Variants in MAP2K4 observed in about 807,000 individuals in gnomAD.
MAP2K4 encodes the protein mitogen-activated protein kinase kinase 4.
MAP2K4 carries 4 observed loss-of-function variants against 48.5 expected under a neutral mutation model. The observed-to-expected ratio is 0.08, with a 90% CI of 0.04 to 0.19. The LOEUF (loss-of-function observed/expected upper bound fraction) is 0.19, where lower values mean the gene tolerates loss of function less well. MAP2K4 is among the 10% of genes least tolerant of loss of function. The pLI, the probability that MAP2K4 is intolerant of heterozygous loss-of-function variation, is 1.00. For synonymous variants in MAP2K4, 166 were observed against 173.1 expected, an observed-to-expected ratio of 0.96 and a Z score of 0.32; for missense variants, 258 against 493.3, an observed-to-expected ratio of 0.52 and a Z score of 4.52.
At chr17:12,100,313 G>A (rs1377249540) in intron 4 of MAP2K4, among the ~76,000 whole-genome samples, 1 of 152,038 alleles carries the variant, frequency 6.6e-6, no homozygotes, top group Non-Finnish European at 1.5e-5. Context: ...TATGTAAACG[G>A]AATCTTACAG....
chr17:12,115,501 G>A, intron 7 of MAP2K4: 1 of 606,266 alleles, frequency 1.6e-6, no homozygotes, highest in Non-Finnish European at 3.1e-6. Flanking sequence ...AAAAGGTACG[G>A]TCAAAATATG....
chr17:12,080,782 G>T (rs1222435122), intron 2 of MAP2K4, among the ~76,000 whole-genome samples: 1 of 152,118 alleles, frequency 6.6e-6, no homozygotes, highest in Non-Finnish European at 1.5e-5. Flanking sequence ...TAAAAATACT[G>T]TTTTCTGACT....
At chr17:12,118,889 C>T (rs925546624) in intron 7 of MAP2K4, among the ~76,000 whole-genome samples, 1 of 152,108 alleles carries the variant, frequency 6.6e-6, no homozygotes. Context: ...TGATGATGAA[C>T]AAGGTAGTGA....
At chr17:12,121,437 G>T (rs934330784) in intron 7 of MAP2K4, among the ~76,000 whole-genome samples, 16 of 151,930 alleles carry the variant, frequency 1.1e-4, no homozygotes. Context: ...TGTCAATCCA[G>T]GGTCACATTA....
At chr17:12,107,382 C>CTTTTTTTTTTTTTTTTTTTTTTCTT (rs71367383) in intron 4 of MAP2K4, among the ~76,000 whole-genome samples, 1 of 106,408 alleles carries the variant, frequency 9.4e-6, no homozygotes, top group Non-Finnish European at 2.0e-5. Context: ...TGTCTTTTTC[C>CTTTTTTTTTTTTTTTTTTTTTTCTT]TTTTTTTTTT....
intron 4 of MAP2K4, among the ~76,000 whole-genome samples, chr17:12,107,052 A>G (rs1028787886): frequency 6.6e-6 from 1 of 152,140 alleles, no homozygotes; most frequent in Non-Finnish European, 1.5e-5. Context: ...ATTGCTTTCA[A>G]ATTGGTTTAA....
intron 10 of MAP2K4, 87 bp from the exon 11 acceptor site, chr17:12,141,060 G>T: frequency 2.6e-6 from 2 of 779,542 alleles, no homozygotes; most frequent in Non-Finnish European, 4.5e-6. Context: ...TGGGAGCCTG[G>T]AGTTCTATGT....
intron 7 of MAP2K4, among the ~76,000 whole-genome samples, chr17:12,118,018 C>T (rs1398516807): frequency 3.9e-5 from 6 of 152,118 alleles, no homozygotes; most frequent in Non-Finnish European, 1.5e-5. Flanking sequence ...AAATGAACAT[C>T]TATCATGAAG....
intron 7 of MAP2K4, among the ~76,000 whole-genome samples, chr17:12,120,735 G>T (rs1293761382): frequency 6.6e-6 from 1 of 152,122 alleles, no homozygotes; most frequent in South Asian, 2.1e-4. Context: ...CTAGCAGAAT[G>T]CCTCCTCATT....
At chr17:12,067,998 C>A (rs1409307646) in intron 2 of MAP2K4, among the ~76,000 whole-genome samples, 5 of 152,068 alleles carry the variant, frequency 3.3e-5, no homozygotes, top group Non-Finnish European at 7.3e-5. Flanking sequence ...TCAATGAAGG[C>A]TTCTAAACTT....
At chr17:12,134,691 A>G (rs1294478209) in intron 9 of MAP2K4, among the ~76,000 whole-genome samples, 2 of 152,220 alleles carry the variant, frequency 1.3e-5, no homozygotes, top group African/African-American at 4.8e-5. Flanking sequence ...GGGAAGCCAC[A>G]TCTAGATGTG....
At position 12,135,503 on chromosome 17, in the gene MAP2K4, A is replaced by G. The variant is rs899117154; in HGVS notation, c.1041-4336A>G. 4.6e-5 allele frequency among the ~76,000 whole-genome samples: 7 copies of G among 152,304 alleles called. No homozygotes were observed. The East Asian group carries it at 1.4e-3, about 30-fold the overall frequency. On this transcript the variant is annotated intron_variant, in intron 9 of 10. Coordinates refer to ENST00000353533, the MANE Select transcript of MAP2K4 (RefSeq NM_003010.4). The stretch of plus-strand genomic sequence containing the variant: ...TGCCTCGGCTTCCCGGAGTATTGGG[A>G]TTACAGTGGCGTGAGCCACTGTACC...
intron 3 of MAP2K4, among the ~76,000 whole-genome samples, chr17:12,088,206 A>G (rs756503908): frequency 6.6e-6 from 1 of 151,882 alleles, no homozygotes; most frequent in Non-Finnish European, 1.5e-5. Context: ...CCTATCCTCT[A>G]CATCACTGAC....
At chr17:12,127,427 A>T (rs192245673) in intron 8 of MAP2K4, among the ~76,000 whole-genome samples, 8 of 152,236 alleles carry the variant, frequency 5.3e-5, no homozygotes, top group Non-Finnish European at 8.8e-5. Context: ...CTAAACAATT[A>T]CGTTTTAAAA....
Position 12,032,975 on chromosome 17 carries a change from G to A in MAP2K4, c.115+11974G>A, listed in dbSNP as rs112211099. Among the ~76,000 whole-genome samples, 577 of 152,164 alleles carry A rather than the reference G, an allele frequency of 3.8e-3. 4 individuals are homozygous for A. Among genetic ancestry groups the A allele is most frequent in the African/African-American group, 9.7e-3 (401 of 41,524 alleles). On this transcript the variant is annotated intron_variant, in intron 1 of 10. Coordinates refer to ENST00000353533, the MANE Select transcript of MAP2K4 (RefSeq NM_003010.4). ...CTCAGCCTCCTGAGTAACTGGGACT[G>A]CAGGTGCATGCCACCATGCCTGACT...
chr17:12,052,240 T>A (rs561383521), intron 1 of MAP2K4, among the ~76,000 whole-genome samples: 2 of 152,296 alleles, frequency 1.3e-5, no homozygotes, highest in African/African-American at 4.8e-5. Flanking sequence ...TAGTAAATGA[T>A]CAGAATATAA....
Position 12,143,376 on chromosome 17 carries a change from A to C in MAP2K4, c.*2116A>C. ...ATAGATTATTATAAACTATAAACTT[A>C]AGGGCAAGGAGTTTATTACAATGTA... On this transcript the variant is annotated 3_prime_UTR_variant, in exon 11 of 11. Coordinates refer to ENST00000353533, the MANE Select transcript of MAP2K4 (RefSeq NM_003010.4). 4.3e-6 allele frequency: 1 copy of C among 232,862 alleles called. No individual in the cohort carries two copies. The highest frequency in any genetic ancestry group is 6.1e-5 in the East Asian group (1 of 16,374). 14.4% of individuals were successfully genotyped at this position (232,862 alleles called of 1,614,324 possible). A position where few individuals can be genotyped will look rare whatever the true frequency, so the allele number is the denominator to read the frequency against.
intron 9 of MAP2K4, among the ~76,000 whole-genome samples, chr17:12,136,442 A>G (rs1199380244): frequency 6.6e-6 from 1 of 152,252 alleles, no homozygotes; most frequent in Non-Finnish European, 1.5e-5. Flanking sequence ...TTAATGAACT[A>G]GAAGACAGAG....
intron 2 of MAP2K4, among the ~76,000 whole-genome samples, chr17:12,074,758 C>T (rs1003319856): frequency 2.6e-5 from 4 of 152,124 alleles, no homozygotes; most frequent in African/African-American, 9.7e-5. Context: ...GATCCTTGTC[C>T]GCAACTCAAG....
Sources: gnomAD v4.1 joint callset for allele counts (sites outside exome capture counted in the v4.1 genomes callset) on GRCh38, gnomAD v4.1.1 for gene constraint, MANE v1.5 for transcripts, NCBI Gene and HGNC (gene_info 2026-07-23, HGNC 2026-07-21) for gene names.